Variants in CCDC85A observed in about 807,000 individuals in gnomAD.
CCDC85A encodes coiled-coil domain-containing protein 85A.
In CCDC85A, 38 loss-of-function variants were observed where a neutral mutation model predicts 50.2. The observed-to-expected ratio is 0.76, with a 90% CI of 0.58 to 0.99. CCDC85A has a LOEUF of 0.99. Ranked by LOEUF, CCDC85A falls within the 50% of genes least tolerant of loss-of-function variation. CCDC85A has a pLI of 0.00. For synonymous variants in CCDC85A, 366 were observed against 301.4 expected (o/e 1.21, Z -2.22); for missense variants, 820 against 742.0 (o/e 1.11, Z -1.22).
At chr2:56,216,622 T>C (rs958916065) in intron 2 of CCDC85A, among the ~76,000 whole-genome samples, 1 of 151,874 alleles carries the variant, frequency 6.6e-6, no homozygotes, top group Non-Finnish European at 1.5e-5. Context: ...GTTTTTGATT[T>C]TGAGTTCAGT....
intron 2 of CCDC85A, among the ~76,000 whole-genome samples, chr2:56,338,515 A>G (rs550671356): frequency 6.6e-6 from 1 of 152,244 alleles, no homozygotes; most frequent in South Asian, 2.1e-4. Flanking sequence ...AGAAGTTTCT[A>G]TCAATTTTTC....
chr2:56,381,583 G>T (rs758405260), intron 5 of CCDC85A, among the ~76,000 whole-genome samples: 1 of 152,004 alleles, frequency 6.6e-6, no homozygotes, highest in African/African-American at 2.4e-5. Flanking sequence ...TTACTTGCTC[G>T]AACTATTTTC....
At chr2:56,383,012 A>G (rs1249625733) in intron 5 of CCDC85A, among the ~76,000 whole-genome samples, 1 of 151,990 alleles carries the variant, frequency 6.6e-6, no homozygotes, top group African/African-American at 2.4e-5. Flanking sequence ...GTATAGCTTG[A>G]GCCATCCATT....
rs182061240 is a variant in CCDC85A at position 56,287,981 on chromosome 2, C to T, written c.1241-54898C>T. On this transcript the variant is annotated intron_variant, in intron 2 of 5. Transcript: ENST00000407595. ...GGGTGTTTTAAATCATAGCAGAGGC[C>T]CTCTGGGGAAGCTTTGGGGTCTCTT... 3.2e-3 allele frequency among the ~76,000 whole-genome samples: 492 copies of T among 152,100 alleles called. 2 individuals carry two copies. The highest frequency in any genetic ancestry group is 0.011 in the African/African-American group (474 of 41,454).
At chr2:56,236,907 A>G (rs982082167) in intron 2 of CCDC85A, among the ~76,000 whole-genome samples, 3 of 152,168 alleles carry the variant, frequency 2.0e-5, no homozygotes, top group African/African-American at 7.2e-5. Flanking sequence ...CTTTCAGGGA[A>G]GTAACAAGGT....
At chr2:56,280,534 G>T (rs1671159216) in intron 2 of CCDC85A, among the ~76,000 whole-genome samples, 2 of 152,172 alleles carry the variant, frequency 1.3e-5, no homozygotes, top group South Asian at 4.2e-4. Flanking sequence ...TCCTCACCAT[G>T]CTTACAAGCA....
At chr2:56,259,965 C>T (rs1350642920) in intron 2 of CCDC85A, among the ~76,000 whole-genome samples, 3 of 152,064 alleles carry the variant, frequency 2.0e-5, no homozygotes, top group Non-Finnish European at 2.9e-5. Context: ...ATCTATGTTG[C>T]GGGGACTTCA....
chr2:56,358,507 CTT>C (rs564258373), intron 3 of CCDC85A, among the ~76,000 whole-genome samples: 2 of 152,098 alleles, frequency 1.3e-5, no homozygotes, highest in African/African-American at 4.8e-5. Flanking sequence ...GGTTGGCAAA[CTT>C]TTTTAGCAAA....
chr2:56,251,813 G>T (rs1669771333), intron 2 of CCDC85A, among the ~76,000 whole-genome samples: 1 of 152,020 alleles, frequency 6.6e-6, no homozygotes, highest in African/African-American at 2.4e-5. Flanking sequence ...TCCAGGATGG[G>T]CACTGGAAGT....
intron 2 of CCDC85A, among the ~76,000 whole-genome samples, chr2:56,333,275 A>G (rs1673905378): frequency 6.6e-6 from 1 of 152,206 alleles, no homozygotes; most frequent in South Asian, 2.1e-4. Flanking sequence ...TGATTTGGAC[A>G]GAGACTTGTA....
At chr2:56,310,094 G>T (rs1032538182) in intron 2 of CCDC85A, among the ~76,000 whole-genome samples, 3 of 152,080 alleles carry the variant, frequency 2.0e-5, no homozygotes, top group African/African-American at 7.2e-5. Flanking sequence ...TCCAGGTCTC[G>T]TCCAACTTGT....
intron 2 of CCDC85A, among the ~76,000 whole-genome samples, chr2:56,224,077 A>G (rs948370124): frequency 6.6e-6 from 1 of 152,134 alleles, no homozygotes; most frequent in Non-Finnish European, 1.5e-5. Context: ...TATCTCCCCA[A>G]AATATCATTT....
intron 2 of CCDC85A, among the ~76,000 whole-genome samples, chr2:56,228,582 G>T (rs1186480588): frequency 6.6e-6 from 1 of 151,256 alleles, no homozygotes; most frequent in African/African-American, 2.4e-5. Flanking sequence ...CCCCAGGCTG[G>T]AGTGCAGTGG....
intron 2 of CCDC85A, among the ~76,000 whole-genome samples, chr2:56,330,575 A>G (rs1673735200): frequency 6.6e-6 from 1 of 152,128 alleles, no homozygotes; most frequent in African/African-American, 2.4e-5. Context: ...TGCTAGTCAT[A>G]GGGCAGCTTG....
chr2:56,252,474 A>C (rs1669805901), intron 2 of CCDC85A, among the ~76,000 whole-genome samples: 1 of 152,096 alleles, frequency 6.6e-6, no homozygotes, highest in Non-Finnish European at 1.5e-5. Context: ...ATAACGTAAA[A>C]TTGCAGCTGT....
At chr2:56,357,756 G>C (rs920129074) in intron 3 of CCDC85A, among the ~76,000 whole-genome samples, 1 of 150,748 alleles carries the variant, frequency 6.6e-6, no homozygotes, top group Non-Finnish European at 1.5e-5. Flanking sequence ...TGCCAGAGCA[G>C]GGTGGATATT....
intron 2 of CCDC85A, among the ~76,000 whole-genome samples, chr2:56,272,274 T>C (rs1670733717): frequency 6.8e-6 from 1 of 147,342 alleles, no homozygotes; most frequent in Non-Finnish European, 1.5e-5. Context: ...GTAACCAACT[T>C]AAAAAAAAAA....
intron 2 of CCDC85A, among the ~76,000 whole-genome samples, chr2:56,222,546 A>T (rs1573048729): frequency 6.6e-6 from 1 of 152,246 alleles, no homozygotes; most frequent in African/African-American, 2.4e-5. Context: ...GAATTTCTGG[A>T]CCTAGTCAGA....
At chr2:56,369,935 C>CG (rs1157697243) in intron 3 of CCDC85A, among the ~76,000 whole-genome samples, 2 of 152,112 alleles carry the variant, frequency 1.3e-5, no homozygotes, top group Non-Finnish European at 2.9e-5. Flanking sequence ...TAAAGAGACT[C>CG]AGTGATTCAT....
Sources: allele counts gnomAD v4.1 joint callset (sites outside exome capture counted in the v4.1 genomes callset), GRCh38; gene constraint gnomAD v4.1.1; transcripts MANE v1.5; gene names NCBI Gene and HGNC (gene_info 2026-07-23, HGNC 2026-07-21).